STS: variants seen among roughly 807,000 people sequenced by gnomAD.
The protein encoded by STS is steryl-sulfatase.
In STS, 7 loss-of-function variants were observed where a neutral mutation model predicts 26.8. The observed-to-expected ratio is 0.26, with a 90% CI of 0.15 to 0.49. The LOEUF is 0.49. Among genes scored for constraint, STS ranks in the 20% least tolerant of loss-of-function variants. STS has a pLI of 0.98. For missense variants in STS, 434 were observed against 465.6 expected, an observed-to-expected ratio of 0.93 and a Z score of 0.63; for synonymous variants, 199 against 189.4, an observed-to-expected ratio of 1.05 and a Z score of -0.42.
intron 8 of STS, among the ~76,000 whole-genome samples, chrX:7,320,951 G>C (rs1926999131): frequency 9.0e-6 from 1 of 111,627 alleles, no homozygotes. Context: ...AGCCTGCTGA[G>C]GAGACTACAG....
chrX:7,300,128 TTTC>T (rs1354387759), intron 7 of STS, among the ~76,000 whole-genome samples: 4 of 111,772 alleles, frequency 3.6e-5, no homozygotes, highest in African/African-American at 1.3e-4. Flanking sequence ...ATTTCCAAGG[TTTC>T]TTCTTTGGGA....
At chrX:7,268,933 G>A (rs915244627) in intron 6 of STS, among the ~76,000 whole-genome samples, 2 of 109,683 alleles carry the variant, frequency 1.8e-5, no homozygotes, top group Non-Finnish European at 3.8e-5. Context: ...AAGATTACTT[G>A]ATGCCAGGAG....
chrX:7,178,837 T>C (rs1569182247), intron 1 of STS, among the ~76,000 whole-genome samples: 1 of 107,408 alleles, frequency 9.3e-6, no homozygotes, highest in Non-Finnish European at 1.9e-5. Flanking sequence ...TCTCTAGTCC[T>C]TCTCATGAAA....
chrX:7,343,764 C>T (rs1352465567), intron 10 of STS, among the ~76,000 whole-genome samples: 1 of 112,085 alleles, frequency 8.9e-6, no homozygotes, highest in African/African-American at 3.2e-5. Context: ...CAGCACCCCC[C>T]GCCCCTCCCG....
At chrX:7,287,205 G>A in intron 7 of STS, among the ~76,000 whole-genome samples, 1 of 111,394 alleles carries the variant, frequency 9.0e-6, no homozygotes, top group Non-Finnish European at 1.9e-5. Flanking sequence ...CTGGGGGTGA[G>A]TGTGAGATAG....
chrX:7,157,190 A>G (rs541270954), intron 1 of STS, among the ~76,000 whole-genome samples: 8 of 111,789 alleles, frequency 7.2e-5, no homozygotes, highest in Middle Eastern at 4.7e-3. Context: ...CACTTGCCCA[A>G]TTTGCATTGA....
intron 8 of STS, 63 bp from the exon 9 acceptor site, chrX:7,325,276 G>T (rs905685354): frequency 1.8e-6 from 2 of 1,138,885 alleles, no homozygotes; most frequent in Non-Finnish European, 2.4e-6. Flanking sequence ...AGAGTCCATT[G>T]AAGTGAGCAT....
At chrX:7,155,405 A>T (rs1428080133) in intron 1 of STS, among the ~76,000 whole-genome samples, 1 of 112,014 alleles carries the variant, frequency 8.9e-6, no homozygotes, top group Non-Finnish European at 1.9e-5. Flanking sequence ...GGAAAAGCAG[A>T]CTAAATTTAC....
At chrX:7,280,543 C>G (rs1924807720) in intron 7 of STS, among the ~76,000 whole-genome samples, 1 of 112,136 alleles carries the variant, frequency 8.9e-6, no homozygotes, top group Non-Finnish European at 1.9e-5. Context: ...CAGTATACAA[C>G]AAGCATTTTG....
At chrX:7,243,138 C>T (rs1476894473) in intron 2 of STS, among the ~76,000 whole-genome samples, 4 of 112,221 alleles carry the variant, frequency 3.6e-5, no homozygotes, top group Non-Finnish European at 7.5e-5. Flanking sequence ...TCATAGCTCA[C>T]TGCAGCCTCA....
intron 9 of STS, among the ~76,000 whole-genome samples, chrX:7,325,814 G>C (rs911541140): frequency 6.2e-5 from 7 of 112,040 alleles, no homozygotes; most frequent in East Asian, 2.8e-4. Context: ...CTAACGGACT[G>C]AGTGGGGAAA....
chrX:7,150,444 A>T (rs1323430350), intron 1 of STS, among the ~76,000 whole-genome samples: 2 of 110,684 alleles, frequency 1.8e-5, no homozygotes, highest in Non-Finnish European at 3.8e-5. Flanking sequence ...GCTGGTCTTG[A>T]ACTCCTGACC....
chrX:7,153,941 C>T (rs1461867129), intron 1 of STS, among the ~76,000 whole-genome samples: 5 of 108,933 alleles, frequency 4.6e-5, no homozygotes, highest in African/African-American at 1.0e-4. Flanking sequence ...CTCTCTTTTC[C>T]TGTCTTCCTG....
At chrX:7,182,738 C>T (rs1326823031) in intron 1 of STS, among the ~76,000 whole-genome samples, 1 of 111,022 alleles carries the variant, frequency 9.0e-6, no homozygotes, top group African/African-American at 3.3e-5. Flanking sequence ...CCTCTCTAGA[C>T]TCTGCGGGGG....
intron 8 of STS, among the ~76,000 whole-genome samples, chrX:7,307,105 A>G (rs1228122605): frequency 1.8e-5 from 2 of 111,364 alleles, no homozygotes; most frequent in East Asian, 5.7e-4. Flanking sequence ...GTGCATCTGG[A>G]CAACCTTCAT....
chrX:7,274,572 TC>T (rs1196147513), intron 6 of STS, among the ~76,000 whole-genome samples: 2 of 111,940 alleles, frequency 1.8e-5, no homozygotes, highest in African/African-American at 6.5e-5. Flanking sequence ...GACTTATTGA[TC>T]CCTATCAGCA....
intron 2 of STS, among the ~76,000 whole-genome samples, chrX:7,244,497 A>G (rs1922772875): frequency 8.9e-6 from 1 of 111,841 alleles, no homozygotes; most frequent in South Asian, 3.7e-4. Flanking sequence ...GAGCAGAGGG[A>G]ATGAATTGCA....
intron 1 of STS, among the ~76,000 whole-genome samples, chrX:7,169,873 A>C (rs1414657509): frequency 1.5e-5 from 1 of 67,994 alleles, no homozygotes; most frequent in Non-Finnish European, 2.5e-5. Context: ...ATTATAACAC[A>C]TGGGTGGCAT....
intron 2 of STS, among the ~76,000 whole-genome samples, chrX:7,225,489 G>A (rs767821081): frequency 3.6e-5 from 4 of 112,054 alleles, no homozygotes; most frequent in African/African-American, 1.3e-4. Context: ...TCCTCCAGCA[G>A]TGAGCTGTCA....
Sources: gnomAD v4.1 joint callset for allele counts (sites outside exome capture counted in the v4.1 genomes callset) on GRCh38, gnomAD v4.1.1 for gene constraint, MANE v1.5 for transcripts, NCBI Gene and HGNC (gene_info 2026-07-23, HGNC 2026-07-21) for gene names.